Variants in KIAA1614 observed in about 807,000 individuals in gnomAD.
The protein encoded by KIAA1614 is uncharacterized protein KIAA1614.
KIAA1614 carries 76 observed loss-of-function variants against 88.7 expected under a neutral mutation model. The observed-to-expected ratio is 0.86, with a 90% CI of 0.71 to 1.04. The LOEUF is 1.04. Ranked by LOEUF, KIAA1614 falls within the 50% of genes least tolerant of loss-of-function variation. KIAA1614 has a pLI of 0.00. For missense variants in KIAA1614, 1,553 were observed against 1,582.5 expected (o/e 0.98, Z 0.32); for synonymous variants, 714 against 675.5 (o/e 1.06, Z -0.88).
At chr1:180,945,089 G>T in intron 8 of KIAA1614, 1 of 534,218 alleles carries the variant, frequency 1.9e-6, no homozygotes, top group Non-Finnish European at 3.2e-6. Context: ...GGGGTTTCTA[G>T]TTCCACAGCA....
chr1:180,923,868 G>C (rs1654007769), intron 3 of KIAA1614, among the ~76,000 whole-genome samples: 1 of 151,814 alleles, frequency 6.6e-6, no homozygotes, highest in Non-Finnish European at 1.5e-5. Context: ...AAGAATGCCT[G>C]AGCCCCTGCC....
rs189848801 is a variant in KIAA1614, at chr1:180,926,857, G to A, written c.1062-1573G>A. ...CAGAGGGAGGCCTCTCCTGCCAAAG[G>A]AGGCTTCACGGGGCAGCGGGCCTGG... On this transcript the variant is annotated intron_variant, in intron 3 of 8. Coordinates refer to ENST00000367588, the MANE Select transcript of KIAA1614 (RefSeq NM_020950.2). Among the ~76,000 whole-genome samples, 8 of 152,334 alleles carry A rather than the reference G, an allele frequency of 5.3e-5. No homozygotes were observed. The East Asian group carries it at 1.3e-3, about 26-fold the overall frequency.
chr1:180,928,472 T>A lies in KIAA1614; in HGVS notation c.1104T>A (p.His368Gln). ...PNPEPVLSPRHEEATHLLQRA... is the reference protein window; with the variant it reads ...PNPEPVLSPRQEEATHLLQRA... The stretch of plus-strand genomic sequence containing the variant: ...CGGAGCCTGTGCTGAGCCCCAGGCA[T>A]GAGGAAGCCACGCATCTGCTGCAGC... Residue 368 changes from histidine (H) to glutamine (Q), a missense_variant, in exon 4 of 9, where the codon CAT becomes CAA. His to Gln is a conservative substitution (Grantham distance 24). Coordinates refer to ENST00000367588, the MANE Select transcript of KIAA1614 (RefSeq NM_020950.2). The A allele has an allele frequency of 6.2e-7, 1 of 1,613,344 alleles. No individual in the cohort carries two copies. The highest frequency in any genetic ancestry group is 8.5e-7 in the Non-Finnish European group (1 of 1,179,942).
rs1344357181 is a variant in KIAA1614, at chr1:180,949,165, G to C, written c.*3577G>C. 1.3e-5 allele frequency: 2 copies of C among 152,354 alleles called. No homozygotes were observed. The highest frequency in any genetic ancestry group is 2.9e-5 in the Non-Finnish European group (2 of 68,104). The allele number at this position is 152,354 out of a possible 1,614,324, so 9.4% of individuals were successfully genotyped here. ...TGAAGACAGTAACGCGTGGGCAGTG[G>C]CCTCATGTCTGAAATGCAGAGTGAG... On this transcript the variant is annotated 3_prime_UTR_variant, in exon 9 of 9. Transcript: ENST00000367588.
intron 5 of KIAA1614, 118 bp downstream of exon 5, chr1:180,936,788 CAGAT>C: frequency 7.6e-6 from 5 of 655,394 alleles, no homozygotes; most frequent in Admixed American, 3.4e-5. Context: ...TCTCAATAGT[CAGAT>C]GGCAGCGTCA....
intron 6 of KIAA1614, 39 bp from the exon 7 acceptor site, chr1:180,940,997 ACCCTCCCGG>A: frequency 1.0e-6 from 1 of 984,056 alleles, no homozygotes; most frequent in Non-Finnish European, 1.4e-6. Context: ...CTCCCTGGCC[ACCCTCCCGG>A]CCCTCCCCCG....
rs1490147736 is a variant in KIAA1614, at chr1:180,949,643, T to TG, written c.*4059dup. 6.6e-6 allele frequency: 1 copy of TG among 151,838 alleles called. No individual in the cohort carries two copies. Among genetic ancestry groups the TG allele is most frequent in the Non-Finnish European group, 1.5e-5 (1 of 67,966 alleles). 9.4% of individuals were successfully genotyped at this position (151,838 alleles called of 1,614,324 possible). ...AGACCCAGGCAGGGCCTCTTTGGGG[T>TG]GGGGAGGAGGGGGCATGTGCAGAAG... On this transcript the variant is annotated 3_prime_UTR_variant, in exon 9 of 9. Coordinates refer to ENST00000367588, the MANE Select transcript of KIAA1614 (RefSeq NM_020950.2).
intron 7 of KIAA1614, among the ~76,000 whole-genome samples, chr1:180,942,060 C>T (rs546343031): frequency 7.1e-6 from 1 of 140,076 alleles, no homozygotes; most frequent in East Asian, 2.6e-4. Flanking sequence ...CACCCCCCTC[C>T]CCACCCCCCC....
In KIAA1614 at chr1:180,916,451, C is replaced by A; in HGVS notation, c.348C>A (p.Pro116=). The A allele has an allele frequency of 6.2e-7, 1 of 1,614,188 alleles. No homozygotes were observed. The highest frequency in any genetic ancestry group is 8.5e-7 in the Non-Finnish European group (1 of 1,180,044). ...AAGAGTGGTCATCCCCCAAGAAACC[C>A]CAATGCAGACGAGGCAAGGCAGGGA... ...ASQEWSSPKK[P]QCRRGKAGRA... The change falls in exon 2 of 9, where the codon CCC becomes CCA. Residue 116 remains proline, a synonymous_variant. Coordinates refer to ENST00000367588, the MANE Select transcript of KIAA1614 (RefSeq NM_020950.2).
intron 6 of KIAA1614, among the ~76,000 whole-genome samples, chr1:180,940,744 C>T (rs1310958445): frequency 1.3e-5 from 2 of 150,264 alleles, no homozygotes; most frequent in Non-Finnish European, 3.0e-5. Context: ...TTTTGGGTCT[C>T]ACTATGTCGC....
At chr1:180,944,560 A>T in intron 8 of KIAA1614, 44 bp downstream of exon 8, 8 of 1,596,368 alleles carry the variant, frequency 5.0e-6, no homozygotes, top group Non-Finnish European at 6.8e-6. Context: ...TCAGAGAGTG[A>T]CCAGCGGAGC....
Position 180,935,983 on chromosome 1 carries a change from G to A in KIAA1614, c.2074G>A (p.Gly692Ser). 1 of 1,614,012 alleles carries A rather than the reference G, an allele frequency of 6.2e-7. No homozygotes were observed. ...GGAGGTGGAAAATGAGGTGAAAGAG[G>A]GCAGAGGACACACGCCTGAAGGAAC... ...DVEVENEVKE[G>S]RGHTPEGTLF... The change falls in exon 5 of 9, where the codon GGC becomes AGC. Residue 692 changes from glycine to serine, a missense_variant. Transcript: ENST00000367588. This position sits in a 1 kb window ranked among gnomAD's most constrained non-coding sequence, Gnocchi z 6.1.
Position 180,945,335 on chromosome 1 carries a change from G to A in KIAA1614, c.3320G>A (p.Ser1107Asn). The A allele has an allele frequency of 6.3e-7, 1 of 1,593,038 alleles. No homozygotes were observed. Among genetic ancestry groups the A allele is most frequent in the East Asian group, 2.2e-5 (1 of 44,598 alleles). Reference sequence around the variant, plus strand: ...AAGACTTCACCACGGCGTGCCCTCAGTGTGGAGGACGTGGGTGCTCCCAGC... The same window carrying A: ...AAGACTTCACCACGGCGTGCCCTCAATGTGGAGGACGTGGGTGCTCCCAGC... ...PAKTSPRRAL[S>N]VEDVGAPSLA... The change falls in exon 9 of 9, where the codon AGT becomes AAT. Residue 1107 changes from serine to asparagine, a missense_variant. By Grantham distance (46) the Ser-to-Asn change is conservative. Coordinates refer to ENST00000367588, the MANE Select transcript of KIAA1614 (RefSeq NM_020950.2).
In KIAA1614 at chr1:180,934,268, AAAG is replaced by A. The variant is rs1342302197; in HGVS notation, c.1206-844_1206-842del. ...ACTCCGTCTCAAAAAAAAAAAAAAA[AAAG>A]AAAAGAAAAGAAAAGAAAAAGAAAC... On this transcript the variant is annotated intron_variant, in intron 4 of 8. Transcript: ENST00000367588. Among the ~76,000 whole-genome samples the A allele has an allele frequency of 1.9e-3, 221 of 114,154 alleles. 2 individuals carry two copies. The highest frequency in any genetic ancestry group is 7.1e-3 in the African/African-American group (207 of 29,222). 74.9% of individuals were successfully genotyped at this position (114,154 alleles called of 152,430 possible).
intron 3 of KIAA1614, among the ~76,000 whole-genome samples, chr1:180,922,105 A>G (rs1481968690): frequency 6.6e-6 from 1 of 152,216 alleles, no homozygotes; most frequent in Non-Finnish European, 1.5e-5. Flanking sequence ...GGCCGTCTCC[A>G]TAGAGGCGGT....
chr1:180,919,609 G>C (rs1212048928), intron 3 of KIAA1614, among the ~76,000 whole-genome samples: 1 of 152,210 alleles, frequency 6.6e-6, no homozygotes, highest in Non-Finnish European at 1.5e-5. Context: ...GATGAGGGAA[G>C]GGCCCAGTGG....
At chr1:180,919,685 C>T (rs1653912019) in intron 3 of KIAA1614, among the ~76,000 whole-genome samples, 1 of 152,190 alleles carries the variant, frequency 6.6e-6, no homozygotes, top group Admixed American at 6.5e-5. Context: ...AAGCTCCTGA[C>T]AGCCCGTTGG....
At chr1:180,941,017 C>G in intron 6 of KIAA1614, 28 bp from the exon 7 acceptor site, 1 of 1,406,438 alleles carries the variant, frequency 7.1e-7, no homozygotes, top group Non-Finnish European at 9.5e-7. Context: ...CCCTCCCCCG[C>G]CCCCTCACCT....
intron 7 of KIAA1614, among the ~76,000 whole-genome samples, chr1:180,943,555 T>TTTTTTTTTG (rs1654518930): frequency 8.1e-6 from 1 of 123,580 alleles, no homozygotes; most frequent in African/African-American, 3.1e-5. Context: ...TAGATCTTTT[T>TTTTTTTTTG]TTTTTTTTTT....
Sources: gnomAD v4.1 joint callset for allele counts (sites outside exome capture counted in the v4.1 genomes callset) on GRCh38, gnomAD v4.1.1 for gene constraint, Gnocchi (gnomAD v3.1) non-coding constraint, MANE v1.5 for transcripts, NCBI Gene and HGNC (gene_info 2026-07-23, HGNC 2026-07-21) for gene names.